RMDN2: variants seen among roughly 807,000 people sequenced by gnomAD.
RMDN2 encodes the protein regulator of microtubule dynamics 2.
Under a neutral mutation model 52.8 loss-of-function variants are expected in RMDN2, and 61 were observed. That is an observed-to-expected ratio of 1.16 (90% CI 0.94 to 1.43). RMDN2 has a LOEUF of 1.43. Among genes scored for constraint, RMDN2 ranks in the 40% most tolerant of loss-of-function variants. The probability of loss-of-function intolerance (pLI) is 0.00; values close to 1 mark genes in which losing one functional copy is unlikely to be tolerated. For synonymous variants in RMDN2, 180 were observed against 153.1 expected, an observed-to-expected ratio of 1.18 and a Z score of -1.30; for missense variants, 592 against 475.3, an observed-to-expected ratio of 1.25 and a Z score of -2.28.
chr2:38,061,646 C>T lies in RMDN2; in HGVS notation c.1714-5336C>T, dbSNP rs2551196. On this transcript the variant is annotated intron_variant, in intron 10 of 10. Transcript: ENST00000234195. ...CCCTCACACACAGTACACACACACA[C>T]ACACACATACACACATATACCACTT... Among the ~76,000 whole-genome samples the T allele has an allele frequency of 5.3e-5, 8 of 149,828 alleles. No homozygotes were observed. In the East Asian group the frequency reaches 1.4e-3, roughly 26 times the overall value.
intron 5 of RMDN2, among the ~76,000 whole-genome samples, chr2:37,982,982 A>G (rs1364962320): frequency 1.3e-5 from 2 of 152,086 alleles, no homozygotes; most frequent in African/African-American, 2.4e-5. Context: ...AGGATGCAGA[A>G]AGAACACCGA....
chr2:38,017,351 T>G lies in RMDN2; in HGVS notation c.*112T>G. 7.1e-7 allele frequency: 1 copy of G among 1,406,188 alleles called. No homozygotes were observed. The highest frequency in any genetic ancestry group is 9.3e-7 in the Non-Finnish European group (1 of 1,074,934). The allele number at this position is 1,406,188 out of a possible 1,614,324, so 87.1% of individuals were successfully genotyped here. ...TGATGTAAGGGTATTGTGCTTAGAT[T>G]TGAAGGTAAAGCCATGTTTCTGCAG... On this transcript the variant is annotated 3_prime_UTR_variant, in exon 11 of 11. Coordinates refer to ENST00000354545, the MANE Select transcript of RMDN2 (RefSeq NM_001170791.3).
chr2:37,949,632 G>A (rs1159684860), intron 2 of RMDN2, among the ~76,000 whole-genome samples: 1 of 152,094 alleles, frequency 6.6e-6, no homozygotes, highest in African/African-American at 2.4e-5. Flanking sequence ...TATGGTGAAC[G>A]TTAGAGAGCT....
At chr2:38,003,556 A>ATAGG (rs1491218894) in intron 8 of RMDN2, among the ~76,000 whole-genome samples, 6 of 144,648 alleles carry the variant, frequency 4.1e-5, no homozygotes, top group Non-Finnish European at 6.2e-5. Flanking sequence ...TGATAGATAG[A>ATAGG]TAGATAGATA....
chr2:37,934,563 A>AT (rs1167744278), intron 2 of RMDN2, among the ~76,000 whole-genome samples: 6 of 151,470 alleles, frequency 4.0e-5, no homozygotes, highest in Non-Finnish European at 8.8e-5. Flanking sequence ...TTTATTTTTT[A>AT]TTTTTTTGTC....
At chr2:38,034,330 T>C (rs1680429093) in intron 10 of RMDN2, among the ~76,000 whole-genome samples, 1 of 152,184 alleles carries the variant, frequency 6.6e-6, no homozygotes, top group African/African-American at 2.4e-5. Flanking sequence ...ACATATTAGG[T>C]TCCTACATGA....
chr2:37,978,777 C>CAGATAGATAGAT (rs1213724373), intron 4 of RMDN2, among the ~76,000 whole-genome samples: 27,285 of 148,650 alleles, frequency 0.18, 2,851 homozygotes, highest in African/African-American at 0.28. Flanking sequence ...GACCCTTTCT[C>CAGATAGATAGAT]AGATAGATAG....
At chr2:38,025,872 T>C (rs1162138392) in intron 10 of RMDN2, among the ~76,000 whole-genome samples, 2 of 152,112 alleles carry the variant, frequency 1.3e-5, no homozygotes, top group Non-Finnish European at 2.9e-5. Context: ...TATTTTAAGT[T>C]TTTGCATAAA....
At chr2:38,037,746 G>C (rs773022234) in intron 10 of RMDN2, among the ~76,000 whole-genome samples, 6 of 152,206 alleles carry the variant, frequency 3.9e-5, no homozygotes, top group Non-Finnish European at 7.3e-5. Context: ...CAAGGAAGGA[G>C]ACCTACAAAC....
chr2:37,950,585 A>ATTTT (rs1333525892), intron 2 of RMDN2: 1 of 1,613,212 alleles, frequency 6.2e-7, no homozygotes, highest in African/African-American at 1.3e-5. Context: ...TACAATGGGA[A>ATTTT]AGTGCTTAAG....
intron 10 of RMDN2, among the ~76,000 whole-genome samples, chr2:38,015,490 G>T (rs554553319): frequency 6.6e-6 from 1 of 151,918 alleles, no homozygotes; most frequent in Non-Finnish European, 1.5e-5. Context: ...ACTTGAACCC[G>T]GAAGGCGGAG....
intron 2 of RMDN2, chr2:37,951,217 C>G: frequency 6.5e-7 from 1 of 1,537,494 alleles, no homozygotes; most frequent in Non-Finnish European, 8.7e-7. Flanking sequence ...TCATTTGACC[C>G]TTTTCTCACT....
chr2:38,050,628 T>G (rs1051750480), intron 10 of RMDN2, among the ~76,000 whole-genome samples: 1 of 152,166 alleles, frequency 6.6e-6, no homozygotes, highest in African/African-American at 2.4e-5. Flanking sequence ...CAGAAAAGGA[T>G]GAGGCAGGGC....
intron 10 of RMDN2, among the ~76,000 whole-genome samples, chr2:38,045,204 T>A (rs1257430716): frequency 6.6e-6 from 1 of 152,214 alleles, no homozygotes; most frequent in Non-Finnish European, 1.5e-5. Context: ...AGGCTTCTGA[T>A]GAAAAGTTCT....
At chr2:37,933,936 T>A (rs1287093417) in intron 2 of RMDN2, among the ~76,000 whole-genome samples, 3 of 152,252 alleles carry the variant, frequency 2.0e-5, no homozygotes, top group Admixed American at 1.3e-4. Flanking sequence ...AATTTTAGAC[T>A]GCCTGTCCTT....
intron 2 of RMDN2, among the ~76,000 whole-genome samples, chr2:37,971,495 A>T (rs918705297): frequency 1.3e-5 from 2 of 152,200 alleles, no homozygotes; most frequent in Non-Finnish European, 2.9e-5. Flanking sequence ...ATTTTGTACT[A>T]GATTTTTAAA....
intron 2 of RMDN2, among the ~76,000 whole-genome samples, chr2:37,931,296 A>G (rs1666721006): frequency 6.6e-6 from 1 of 152,234 alleles, no homozygotes; most frequent in African/African-American, 2.4e-5. Flanking sequence ...ATGGATGTAG[A>G]AAACAGCAGA....
chr2:38,003,560 A>ATAGG (rs1553375312), intron 8 of RMDN2, among the ~76,000 whole-genome samples: 1 of 149,318 alleles, frequency 6.7e-6, no homozygotes, highest in South Asian at 2.1e-4. Flanking sequence ...AGATAGATAG[A>ATAGG]TAGATAGATA....
At chr2:38,003,546 TGATAGATA>T (rs57530338) in intron 8 of RMDN2, among the ~76,000 whole-genome samples, 3,618 of 132,446 alleles carry the variant, frequency 0.027, 80 homozygotes, top group African/African-American at 0.066. Flanking sequence ...AAGCAAGACC[TGATAGATA>T]GATAGATAGA....
Sources: allele counts gnomAD v4.1 joint callset (sites outside exome capture counted in the v4.1 genomes callset), GRCh38; gene constraint gnomAD v4.1.1; transcripts MANE v1.5; gene names NCBI Gene and HGNC (gene_info 2026-07-23, HGNC 2026-07-21).